Variants in OSBPL6 observed in about 807,000 individuals in gnomAD.
OSBPL6 encodes oxysterol binding protein like 6, also known as oxysterol-binding protein-related protein 6.
In OSBPL6, 49 loss-of-function variants were observed where a neutral mutation model predicts 125.8. The ratio of observed to expected loss-of-function variants is 0.39; its 90% CI spans 0.31 to 0.49. The LOEUF (loss-of-function observed/expected upper bound fraction) is 0.49, where lower values mean the gene tolerates loss of function less well. OSBPL6 is among the 20% of genes least tolerant of loss of function. The pLI, the probability that OSBPL6 is intolerant of heterozygous loss-of-function variation, is 0.88. For missense variants in OSBPL6, 986 were observed against 1,135.4 expected, an observed-to-expected ratio of 0.87 and a Z score of 1.89; for synonymous variants, 394 against 391.8, an observed-to-expected ratio of 1.01 and a Z score of -0.07.
chr2:178,366,886 G>A (rs1437709287), intron 13 of OSBPL6, among the ~76,000 whole-genome samples: 1 of 152,068 alleles, frequency 6.6e-6, no homozygotes, highest in African/African-American at 2.4e-5. Flanking sequence ...ACATAATTTG[G>A]CAATATTTAT....
intron 2 of OSBPL6, among the ~76,000 whole-genome samples, chr2:178,288,503 C>T: frequency 6.6e-6 from 1 of 152,060 alleles, no homozygotes; most frequent in Middle Eastern, 3.2e-3. Context: ...AGATTTAGAC[C>T]AGTTCTGAAA....
chr2:178,316,628 A>T (rs1687760489), intron 3 of OSBPL6, among the ~76,000 whole-genome samples: 1 of 152,224 alleles, frequency 6.6e-6, no homozygotes, highest in South Asian at 2.1e-4. Context: ...CCGTGGATTG[A>T]AAATATCCCC....
chr2:178,255,228 T>C (rs911953303), intron 1 of OSBPL6, among the ~76,000 whole-genome samples: 2 of 152,184 alleles, frequency 1.3e-5, no homozygotes, highest in African/African-American at 4.8e-5. Context: ...TGCTTGAACC[T>C]GGGAGGCAGA....
chr2:178,375,375 G>A (rs2154107867), intron 15 of OSBPL6, among the ~76,000 whole-genome samples: 1 of 152,164 alleles, frequency 6.6e-6, no homozygotes, highest in Middle Eastern at 3.4e-3. Flanking sequence ...AGCTCCCATA[G>A]CTGACCCATC....
chr2:178,331,626 GT>G (rs1559255023), intron 6 of OSBPL6, 21 bp downstream of exon 6: 1 of 1,612,884 alleles, frequency 6.2e-7, no homozygotes, highest in Non-Finnish European at 8.5e-7. Context: ...CACAGGACAT[GT>G]TTCAAAGGTT....
chr2:178,318,622 C>T (rs1687971901), intron 3 of OSBPL6, among the ~76,000 whole-genome samples: 1 of 152,232 alleles, frequency 6.6e-6, no homozygotes, highest in African/African-American at 2.4e-5. Context: ...ATGCCGCCAT[C>T]ACTGCTGTTG....
chr2:178,223,115 G>A (rs187454745), intron 1 of OSBPL6, among the ~76,000 whole-genome samples: 11 of 152,220 alleles, frequency 7.2e-5, no homozygotes, highest in African/African-American at 2.6e-4. Flanking sequence ...TTGATTTTAT[G>A]CTTAAAATAG....
At position 178,399,033 on chromosome 2, in the gene OSBPL6, C is replaced by T. The variant is rs1696013108; in HGVS notation, c.*3474C>T. ...TTGTGGGAGCAGAGCTCTGCACACA[C>T]CAGGGGATGTAATAAATGTTTGCAC... On this transcript the variant is annotated 3_prime_UTR_variant, in exon 25 of 25. Transcript: ENST00000190611. 6.6e-6 allele frequency: 1 copy of T among 151,556 alleles called. No homozygotes were observed. The allele number at this position is 151,556 out of a possible 1,614,324, so 9.4% of individuals were successfully genotyped here. A position where few individuals can be genotyped will look rare whatever the true frequency, so the allele number is the denominator to read the frequency against.
chr2:178,344,629 A>G (rs899877762), intron 11 of OSBPL6, among the ~76,000 whole-genome samples: 3 of 152,098 alleles, frequency 2.0e-5, no homozygotes, highest in Admixed American at 1.3e-4. Flanking sequence ...AAAATTGAGT[A>G]CAGTGCCCCA....
intron 24 of OSBPL6, 49 bp downstream of exon 24, chr2:178,394,484 C>G: frequency 6.4e-7 from 1 of 1,568,490 alleles, no homozygotes; most frequent in Non-Finnish European, 8.6e-7. Flanking sequence ...AAATGGTTGC[C>G]ACAGGCCATG....
intron 1 of OSBPL6, among the ~76,000 whole-genome samples, chr2:178,274,802 CA>C (rs2092437066): frequency 6.6e-6 from 1 of 152,178 alleles, no homozygotes; most frequent in East Asian, 1.9e-4. Flanking sequence ...GTCCACTCAA[CA>C]GTATGTTTCA....
rs538140045 is a variant in OSBPL6 at position 178,341,449 on chromosome 2, A to G, written c.987+1685A>G. ...GTTATGAAGATTTTTTTGAGTCATC[A>G]GGAGAAAATGTCCAAAAAGCTAGAA... On this transcript the variant is annotated intron_variant, in intron 11 of 24. Coordinates refer to ENST00000190611, the MANE Select transcript of OSBPL6 (RefSeq NM_032523.4). Among the ~76,000 whole-genome samples the G allele has an allele frequency of 1.3e-4, 20 of 151,862 alleles. 4 individuals carry two copies. The South Asian group carries it at 4.2e-3, about 32-fold the overall frequency.
chr2:178,394,489 G>A, intron 24 of OSBPL6, 54 bp downstream of exon 24: 8 of 1,550,820 alleles, frequency 5.2e-6, no homozygotes, highest in Non-Finnish European at 7.0e-6. Flanking sequence ...GTTGCCACAG[G>A]CCATGAGAAA....
chr2:178,379,513 A>C (rs1210819329), intron 15 of OSBPL6, among the ~76,000 whole-genome samples: 3 of 152,196 alleles, frequency 2.0e-5, no homozygotes, highest in African/African-American at 7.2e-5. Flanking sequence ...AAAGAAATCG[A>C]GGAAGAATAG....
At chr2:178,329,460 G>T (rs1280540952) in intron 5 of OSBPL6, among the ~76,000 whole-genome samples, 3 of 150,404 alleles carry the variant, frequency 2.0e-5, no homozygotes, top group Admixed American at 6.6e-5. Context: ...TGTCACCCAG[G>T]CTGGAGTGCA....
At chr2:178,195,215 C>T (rs970397631) in intron 1 of OSBPL6, among the ~76,000 whole-genome samples, 4 of 152,088 alleles carry the variant, frequency 2.6e-5, no homozygotes, top group African/African-American at 4.8e-5. Context: ...TTTTATTGTG[C>T]GCGTGCACTG....
chr2:178,286,351 A>G (rs1201480840), intron 2 of OSBPL6, among the ~76,000 whole-genome samples: 2 of 152,222 alleles, frequency 1.3e-5, no homozygotes, highest in Non-Finnish European at 1.5e-5. Flanking sequence ...TAGGCTTTTG[A>G]GTTCAAGAGT....
At chr2:178,324,457 G>A (rs561872843) in intron 4 of OSBPL6, among the ~76,000 whole-genome samples, 188 bp downstream of exon 4, 61 of 152,314 alleles carry the variant, frequency 4.0e-4, no homozygotes, top group Non-Finnish European at 7.6e-4. Context: ...AACAGAGAAT[G>A]TATACTTTGC....
At chr2:178,291,726 C>CTCCTTCCTTTCTTTCCT (rs1559209294) in intron 2 of OSBPL6, among the ~76,000 whole-genome samples, 1 of 148,822 alleles carries the variant, frequency 6.7e-6, no homozygotes, top group Non-Finnish European at 1.5e-5. Flanking sequence ...CCCTCCCTCC[C>CTCCTTCCTTTCTTTCCT]TCCTTCCTTT....
Sources: allele counts gnomAD v4.1 joint callset (sites outside exome capture counted in the v4.1 genomes callset), GRCh38; gene constraint gnomAD v4.1.1; transcripts MANE v1.5; gene names NCBI Gene and HGNC (gene_info 2026-07-23, HGNC 2026-07-21).